The following LRBA variants were observed in gnomAD, a reference collection of about 807,000 sequenced individuals.
LRBA encodes LPS responsive beige-like anchor protein, also known as lipopolysaccharide-responsive and beige-like anchor protein.
A neutral mutation model predicts 330.0 loss-of-function variants in LRBA; 176 were observed. That is an observed-to-expected ratio of 0.53 (90% CI 0.47 to 0.60). LRBA has a LOEUF of 0.60. LRBA is among the 20% of genes least tolerant of loss of function. The pLI, the probability that LRBA is intolerant of heterozygous loss-of-function variation, is 0.00. For synonymous variants in LRBA, 1,230 were observed against 1,193.0 expected (o/e 1.03, Z -0.64); for missense variants, 3,259 against 3,444.8 (o/e 0.95, Z 1.35).
intron 42 of LRBA, among the ~76,000 whole-genome samples, chr4:150,479,994 G>A (rs1267533157): frequency 6.6e-6 from 1 of 152,162 alleles, no homozygotes; most frequent in African/African-American, 2.4e-5. Context: ...AATAAACACT[G>A]ATCAAAAGTA....
At chr4:150,756,968 C>G (rs1222131135) in intron 35 of LRBA, among the ~76,000 whole-genome samples, 1 of 152,134 alleles carries the variant, frequency 6.6e-6, no homozygotes, top group Non-Finnish European at 1.5e-5. Flanking sequence ...TCATAAAACA[C>G]TCATAAACAA....
At chr4:150,836,062 G>A (rs185522851) in intron 28 of LRBA, among the ~76,000 whole-genome samples, 3 of 152,292 alleles carry the variant, frequency 2.0e-5, no homozygotes, top group South Asian at 2.1e-4. Flanking sequence ...AGACAATCAC[G>A]TAGTTTTTGT....
At chr4:150,529,091 T>A (rs561834179) in intron 40 of LRBA, among the ~76,000 whole-genome samples, 1 of 152,338 alleles carries the variant, frequency 6.6e-6, no homozygotes, top group South Asian at 2.1e-4. Context: ...AAAGATTTCC[T>A]CTTCCTCAGA....
intron 56 of LRBA, among the ~76,000 whole-genome samples, chr4:150,269,527 A>AGAT: frequency 1.3e-5 from 2 of 152,376 alleles, no homozygotes; most frequent in South Asian, 2.1e-4. Flanking sequence ...TAAAACTTTT[A>AGAT]GATGAAAACA....
chr4:150,658,505 G>T (rs200622961), intron 37 of LRBA, among the ~76,000 whole-genome samples: 1 of 21,100 alleles, frequency 4.7e-5, no homozygotes, highest in Non-Finnish European at 3.4e-4. Flanking sequence ...GAAAATAAAA[G>T]TCTCCCTCTC....
At chr4:150,365,820 CA>C (rs1437091734) in intron 47 of LRBA, among the ~76,000 whole-genome samples, 17 of 147,606 alleles carry the variant, frequency 1.2e-4, no homozygotes, top group Admixed American at 9.4e-4. Flanking sequence ...AAAGTGATTT[CA>C]TGTATTTTAA....
intron 37 of LRBA, among the ~76,000 whole-genome samples, chr4:150,646,239 T>C (rs995711909): frequency 2.6e-5 from 4 of 151,748 alleles, no homozygotes; most frequent in Admixed American, 2.6e-4. Context: ...TAAGAAAGAG[T>C]GAAGACAAAG....
intron 30 of LRBA, among the ~76,000 whole-genome samples, chr4:150,824,524 G>C (rs190894374): frequency 3.9e-5 from 6 of 152,128 alleles, no homozygotes; most frequent in African/African-American, 1.4e-4. Flanking sequence ...GTTTTTCTCT[G>C]TTCCATATGA....
intron 34 of LRBA, among the ~76,000 whole-genome samples, chr4:150,773,126 C>T (rs140842006): frequency 2.6e-5 from 4 of 152,286 alleles, no homozygotes; most frequent in South Asian, 2.1e-4. Flanking sequence ...CATGCAAATG[C>T]CTTACCAAAA....
chr4:150,579,432 T>C (rs1032382369), intron 40 of LRBA: 4 of 427,100 alleles, frequency 9.4e-6, no homozygotes, highest in Middle Eastern at 6.6e-4. Flanking sequence ...TTTAAGTTTA[T>C]TGCTCGAATG....
chr4:150,351,017 G>A (rs1013661012), intron 47 of LRBA, among the ~76,000 whole-genome samples: 9 of 152,024 alleles, frequency 5.9e-5, no homozygotes, highest in South Asian at 2.1e-4. Context: ...TTTATTCTAG[G>A]TATTAATATC....
At chr4:150,999,773 T>C (rs72721732) in intron 2 of LRBA, among the ~76,000 whole-genome samples, 172 of 151,918 alleles carry the variant, frequency 1.1e-3, no homozygotes, top group Non-Finnish European at 1.7e-3. Flanking sequence ...ACTTAATCCA[T>C]ACGTTCTGGT....
chr4:150,620,408 A>C (rs566064231), intron 37 of LRBA, among the ~76,000 whole-genome samples: 1 of 152,180 alleles, frequency 6.6e-6, no homozygotes, highest in Non-Finnish European at 1.5e-5. Flanking sequence ...AATTTCTTAA[A>C]GAATTAAAAG....
At chr4:150,761,187 C>T (rs2126468088) in intron 35 of LRBA, among the ~76,000 whole-genome samples, 1 of 152,186 alleles carries the variant, frequency 6.6e-6, no homozygotes, top group African/African-American at 2.4e-5. Context: ...TCCTCAATTT[C>T]TTTTTACCTT....
At chr4:150,982,767 GGCAAT>G (rs1741002259) in intron 2 of LRBA, among the ~76,000 whole-genome samples, 1 of 152,138 alleles carries the variant, frequency 6.6e-6, no homozygotes, top group Non-Finnish European at 1.5e-5. Flanking sequence ...CAGAATGTAG[GGCAAT>G]GCTTATCAGT....
At chr4:150,329,789 AT>A (rs972364316) in intron 48 of LRBA, among the ~76,000 whole-genome samples, 1 of 152,174 alleles carries the variant, frequency 6.6e-6, no homozygotes, top group African/African-American at 2.4e-5. Flanking sequence ...CAAGAATTAG[AT>A]TCTTCTGATT....
intron 2 of LRBA, among the ~76,000 whole-genome samples, chr4:150,929,494 G>A (rs958516): frequency 0.8 from 122,036 of 152,180 alleles, 53,823 homozygotes; most frequent in East Asian, 1. Context: ...GGCTCAGAGT[G>A]GTCACACATT....
intron 9 of LRBA, among the ~76,000 whole-genome samples, chr4:150,909,417 C>T (rs1579171412): frequency 6.6e-6 from 1 of 152,142 alleles, no homozygotes; most frequent in East Asian, 1.9e-4. Context: ...AGCACAATGT[C>T]TTCACAGTTC....
chr4:150,455,764 G>A (rs1753976359), intron 44 of LRBA, among the ~76,000 whole-genome samples: 1 of 151,910 alleles, frequency 6.6e-6, no homozygotes, highest in Admixed American at 6.6e-5. Context: ...ATTCTATCTT[G>A]ATAATTTTTT....
Sources: allele counts gnomAD v4.1 joint callset (sites outside exome capture counted in the v4.1 genomes callset), GRCh38; gene constraint gnomAD v4.1.1; transcripts MANE v1.5; gene names NCBI Gene and HGNC (gene_info 2026-07-23, HGNC 2026-07-21).